The following RAB10 variants were observed in gnomAD, a reference collection of about 807,000 sequenced individuals.
RAB10 encodes the protein RAB10, member RAS oncogene family, also known as ras-related protein Rab-10.
In RAB10, 5 loss-of-function variants were observed where a neutral mutation model predicts 25.7. The observed-to-expected ratio is 0.19, with a 90% CI of 0.10 to 0.41. The LOEUF (loss-of-function observed/expected upper bound fraction) is 0.41, where lower values mean the gene tolerates loss of function less well. Ranked by LOEUF, RAB10 falls within the 10% of genes least tolerant of loss-of-function variation. RAB10 has a pLI of 1.00. For missense variants in RAB10, 103 were observed against 245.8 expected (o/e 0.42, Z 3.89); for synonymous variants, 89 against 86.4 (o/e 1.03, Z -0.16).
intron 1 of RAB10, among the ~76,000 whole-genome samples, chr2:26,067,267 T>G (rs1303509310): frequency 3.9e-5 from 6 of 152,210 alleles, no homozygotes; most frequent in Non-Finnish European, 8.8e-5. Context: ...GTTACCACTT[T>G]AAATATATAC....
chr2:26,089,626 G>C (rs1439836763), intron 1 of RAB10, among the ~76,000 whole-genome samples: 1 of 152,062 alleles, frequency 6.6e-6, no homozygotes, highest in Non-Finnish European at 1.5e-5. Flanking sequence ...GTATGCACCT[G>C]TGCCTTACCT....
chr2:26,054,848 G>A (rs1366158183), intron 1 of RAB10, among the ~76,000 whole-genome samples: 2 of 152,048 alleles, frequency 1.3e-5, no homozygotes, highest in Non-Finnish European at 2.9e-5. Context: ...AAGTCTGATG[G>A]CACACGCCTG....
chr2:26,098,597 G>A lies in RAB10; in HGVS notation c.128-65G>A. 8 of 1,231,906 alleles carry A rather than the reference G, an allele frequency of 6.5e-6. No individual in the cohort carries two copies. The South Asian group carries it at 9.3e-5, about 14-fold the overall frequency. The allele number at this position is 1,231,906 out of a possible 1,614,324, so 76.3% of individuals were successfully genotyped here. On this transcript the variant is annotated intron_variant, in intron 1 of 5. Coordinates refer to ENST00000264710, the MANE Select transcript of RAB10 (RefSeq NM_016131.5). ...TAAAAGGTGTGAGCGTTTTTACTGT[G>A]ATTAATTTTAGTATAGCCAAATGTA...
At chr2:26,045,349 C>T (rs1315401132) in intron 1 of RAB10, among the ~76,000 whole-genome samples, 1 of 151,972 alleles carries the variant, frequency 6.6e-6, no homozygotes, top group Admixed American at 6.6e-5. Context: ...ACGCCATTCT[C>T]CTGCCTCAGC....
At chr2:26,069,997 G>A (rs1022698274) in intron 1 of RAB10, among the ~76,000 whole-genome samples, 1 of 152,166 alleles carries the variant, frequency 6.6e-6, no homozygotes, top group Admixed American at 6.5e-5. Context: ...GTGAGCCATC[G>A]CACCTGGCCT....
chr2:26,084,461 C>G (rs1007841352), intron 1 of RAB10, among the ~76,000 whole-genome samples: 1 of 152,190 alleles, frequency 6.6e-6, no homozygotes, highest in Admixed American at 6.5e-5. Context: ...ATGAGGAAAT[C>G]ATGTTGGGTC....
intron 1 of RAB10, among the ~76,000 whole-genome samples, chr2:26,078,301 C>G (rs1266511648): frequency 6.6e-6 from 1 of 152,142 alleles, no homozygotes; most frequent in Non-Finnish European, 1.5e-5. Flanking sequence ...ATTTTGATTA[C>G]AGAAATTGAC....
At position 26,086,945 on chromosome 2, in the gene RAB10, G is replaced by T. The variant is rs538796358; in HGVS notation, c.128-11717G>T. 4.3e-4 allele frequency among the ~76,000 whole-genome samples: 65 copies of T among 152,324 alleles called. 2 individuals carry two copies. The South Asian group carries it at 0.013, about 30-fold the overall frequency. On this transcript the variant is annotated intron_variant, in intron 1 of 5. Transcript: ENST00000264710. ...AAATCCACTGAGACAGAATACAGATGAGTGGTTTCCAGGGACTGGAGGGGA... is the reference window on the plus strand; with the variant it reads ...AAATCCACTGAGACAGAATACAGATTAGTGGTTTCCAGGGACTGGAGGGGA...
chr2:26,134,793 T>TGTTTTGG (rs1464402283), intron 5 of RAB10, 145 bp from the exon 6 acceptor site: 10 of 576,722 alleles, frequency 1.7e-5, no homozygotes, highest in Non-Finnish European at 2.9e-5. Flanking sequence ...TCCAAATCTT[T>TGTTTTGG]ACTTTGCACG....
At chr2:26,038,199 G>C (rs1339709961) in intron 1 of RAB10, among the ~76,000 whole-genome samples, 2 of 127,714 alleles carry the variant, frequency 1.6e-5, no homozygotes. Context: ...TTGTTTGTTT[G>C]TTTTTTTTTT....
chr2:26,096,896 T>C (rs540065132), intron 1 of RAB10, among the ~76,000 whole-genome samples: 35 of 152,350 alleles, frequency 2.3e-4, no homozygotes, highest in African/African-American at 6.7e-4. Context: ...ATTTCTGTTA[T>C]TGATTTCCAG....
At position 26,110,077 on chromosome 2, in the gene RAB10, C is replaced by T. The variant is rs191478850; in HGVS notation, c.327+171C>T. Among the ~76,000 whole-genome samples the T allele has an allele frequency of 7.4e-3, 1,120 of 152,194 alleles. 10 individuals are homozygous for T. Among genetic ancestry groups the T allele is most frequent in the Non-Finnish European group, 0.013 (850 of 67,994 alleles). On this transcript the variant is annotated intron_variant, in intron 3 of 5. Transcript: ENST00000264710. ...GTTGGCCGGGCATGGTGGCTCATGCCTGTAATCCCAGCACTTTGGGAGGCT... is the reference window on the plus strand; with the variant it reads ...GTTGGCCGGGCATGGTGGCTCATGCTTGTAATCCCAGCACTTTGGGAGGCT...
At chr2:26,090,942 A>C (rs999201821) in intron 1 of RAB10, among the ~76,000 whole-genome samples, 334 of 7,956 alleles carry the variant, frequency 0.042, 2 homozygotes, top group African/African-American at 0.1. Context: ...TCCCCCCCCA[A>C]AAAAAAAAAA....
At chr2:26,074,079 A>C (rs1358013349) in intron 1 of RAB10, among the ~76,000 whole-genome samples, 1 of 152,238 alleles carries the variant, frequency 6.6e-6, no homozygotes, top group Non-Finnish European at 1.5e-5. Context: ...GATGAAAGGC[A>C]TCTTATATTA....
chr2:26,053,515 G>C (rs1430493616), intron 1 of RAB10, among the ~76,000 whole-genome samples: 3 of 152,140 alleles, frequency 2.0e-5, no homozygotes, highest in Admixed American at 2.0e-4. Context: ...TAATCTATTA[G>C]AGGATTTCAG....
chr2:26,060,424 C>G (rs1224053436), intron 1 of RAB10, among the ~76,000 whole-genome samples: 1 of 152,140 alleles, frequency 6.6e-6, no homozygotes. Flanking sequence ...TCCCGAGTAG[C>G]TGGGACTACA....
chr2:26,117,944 C>G (rs1481753449), intron 3 of RAB10, among the ~76,000 whole-genome samples: 1 of 152,150 alleles, frequency 6.6e-6, no homozygotes, highest in African/African-American at 2.4e-5. Context: ...AAACCCAAGT[C>G]TCAGATTATT....
chr2:26,045,595 G>GT (rs1665984386), intron 1 of RAB10, among the ~76,000 whole-genome samples: 1 of 152,200 alleles, frequency 6.6e-6, no homozygotes, highest in South Asian at 2.1e-4. Flanking sequence ...GAAGAACGAA[G>GT]GAGTAGGAGC....
chr2:26,098,109 CTTTTTTTTTTT>C (rs57174956), intron 1 of RAB10, among the ~76,000 whole-genome samples: 1 of 52,724 alleles, frequency 1.9e-5, no homozygotes, highest in Non-Finnish European at 3.3e-5. Context: ...TTCTTTCTTT[CTTTTTTTTTTT>C]TTTTTTTTTT....
Sources: allele counts gnomAD v4.1 joint callset (sites outside exome capture counted in the v4.1 genomes callset), GRCh38; gene constraint gnomAD v4.1.1; transcripts MANE v1.5; gene names NCBI Gene and HGNC (gene_info 2026-07-23, HGNC 2026-07-21).